The following TMEM156 variants were observed in gnomAD, a reference collection of about 807,000 sequenced individuals.
TMEM156 encodes the protein transmembrane protein 156.
A neutral mutation model predicts 30.5 loss-of-function variants in TMEM156; 28 were observed. That is an observed-to-expected ratio of 0.92 (90% CI 0.68 to 1.26). TMEM156 has a LOEUF of 1.26. Among genes scored for constraint, TMEM156 ranks in the 50% most tolerant of loss-of-function variants. The pLI is 0.00. For synonymous variants in TMEM156, 137 were observed against 119.9 expected (o/e 1.14, Z -0.93); for missense variants, 351 against 340.6 (o/e 1.03, Z -0.24).
At chr4:38,971,405 G>A (rs575316709) in intron 5 of TMEM156, among the ~76,000 whole-genome samples, 1 of 152,298 alleles carries the variant, frequency 6.6e-6, no homozygotes, top group Admixed American at 6.5e-5. Flanking sequence ...CCAGTGTCAA[G>A]TAGCAAGCAA....
intron 6 of TMEM156, among the ~76,000 whole-genome samples, chr4:38,969,427 C>A (rs568050047): frequency 6.6e-6 from 1 of 152,152 alleles, no homozygotes; most frequent in African/African-American, 2.4e-5. Flanking sequence ...TTTTTTATGG[C>A]AAATATTTCA....
intron 4 of TMEM156, among the ~76,000 whole-genome samples, chr4:38,987,598 G>A (rs971571148): frequency 6.6e-6 from 1 of 152,338 alleles, no homozygotes; most frequent in South Asian, 2.1e-4. Context: ...GCCTGGTAAA[G>A]AAGGAAAGAG....
At chr4:38,970,374 C>T (rs1346889791) in intron 6 of TMEM156, among the ~76,000 whole-genome samples, 1 of 152,084 alleles carries the variant, frequency 6.6e-6, no homozygotes. Flanking sequence ...CCTGATAGGA[C>T]CTTGACTGAA....
intron 5 of TMEM156, among the ~76,000 whole-genome samples, chr4:38,984,325 T>TTC (rs140850597): frequency 0.26 from 38,030 of 146,678 alleles, 5,905 homozygotes; most frequent in African/African-American, 0.47. Flanking sequence ...CTCTCTCTCT[T>TTC]TCTCTCTGTC....
intron 1 of TMEM156, among the ~76,000 whole-genome samples, chr4:39,012,713 G>A (rs994491107): frequency 4.6e-5 from 7 of 152,196 alleles, no homozygotes; most frequent in South Asian, 2.1e-4. Flanking sequence ...GCTGAGGCGG[G>A]CAGATCACTT....
At chr4:38,985,502 G>A (rs560974837) in intron 5 of TMEM156, among the ~76,000 whole-genome samples, 8 of 152,266 alleles carry the variant, frequency 5.3e-5, no homozygotes, top group East Asian at 1.9e-4. Context: ...TCTCTATGTC[G>A]CTACTGATGC....
chr4:38,991,711 A>T, intron 3 of TMEM156, among the ~76,000 whole-genome samples: 1 of 152,176 alleles, frequency 6.6e-6, no homozygotes, highest in East Asian at 1.9e-4. Flanking sequence ...TTATTATGGA[A>T]GTGCTTATTT....
intron 1 of TMEM156, among the ~76,000 whole-genome samples, chr4:39,008,739 T>C (rs1713909451): frequency 6.6e-6 from 1 of 152,126 alleles, no homozygotes; most frequent in African/African-American, 2.4e-5. Flanking sequence ...AACAATCTAC[T>C]ACAACATCTA....
intron 1 of TMEM156, among the ~76,000 whole-genome samples, chr4:39,008,842 C>T (rs780901431): frequency 1.7e-4 from 26 of 152,030 alleles, no homozygotes; most frequent in Middle Eastern, 3.4e-3. Context: ...AAGCATACAC[C>T]TAGAGGAACT....
intron 2 of TMEM156, among the ~76,000 whole-genome samples, chr4:38,995,406 T>C (rs1300343238): frequency 2.0e-5 from 3 of 152,188 alleles, no homozygotes; most frequent in Non-Finnish European, 4.4e-5. Context: ...TCTGGTAGCA[T>C]TCGTGATTTG....
intron 1 of TMEM156, among the ~76,000 whole-genome samples, chr4:39,021,053 G>A (rs1489266516): frequency 6.6e-6 from 1 of 152,152 alleles, no homozygotes; most frequent in African/African-American, 2.4e-5. Flanking sequence ...TTTCCCTGAT[G>A]ATTAGCGATG....
intron 1 of TMEM156, among the ~76,000 whole-genome samples, chr4:39,022,059 G>A (rs1251909315): frequency 6.6e-6 from 1 of 152,128 alleles, no homozygotes; most frequent in Non-Finnish European, 1.5e-5. Flanking sequence ...AATTATTTGA[G>A]GAATGGTGTA....
intron 1 of TMEM156, among the ~76,000 whole-genome samples, chr4:39,020,476 T>C (rs940040595): frequency 6.6e-6 from 1 of 152,190 alleles, no homozygotes; most frequent in Non-Finnish European, 1.5e-5. Context: ...CTTCCAGCGA[T>C]CCTCCCAACT....
At chr4:38,984,345 C>CTGTGTGTGTGTGTG (rs770530490) in intron 5 of TMEM156, among the ~76,000 whole-genome samples, 92 of 114,906 alleles carry the variant, frequency 8.0e-4, no homozygotes, top group Middle Eastern at 3.6e-3. Context: ...CTCTCTCTCT[C>CTGTGTGTGTGTGTG]TCTCTGTGTG....
In TMEM156 at chr4:38,966,973, TG is replaced by T. The variant is rs1333818676; in HGVS notation, c.*706del. The stretch of plus-strand genomic sequence containing the variant: ...CGCACCACCACACCCAGCTAATTTT[TG>T]TGTTTTTAGTAGAGACAGGGTTTCA... On this transcript the variant is annotated 3_prime_UTR_variant, in exon 7 of 7. Transcript: ENST00000381938. 1.3e-5 allele frequency: 2 copies of T among 152,190 alleles called. No homozygotes were observed. The highest frequency in any genetic ancestry group is 4.8e-5 in the African/African-American group (2 of 41,496). The allele number at this position is 152,190 out of a possible 1,614,324, so 9.4% of individuals were successfully genotyped here.
intron 1 of TMEM156, among the ~76,000 whole-genome samples, chr4:39,021,817 T>C (rs1217576078): frequency 6.6e-6 from 1 of 152,246 alleles, no homozygotes; most frequent in Non-Finnish European, 1.5e-5. Flanking sequence ...GTACATGGTG[T>C]GAAATGAGTC....
intron 1 of TMEM156, among the ~76,000 whole-genome samples, chr4:39,028,872 A>G (rs191487348): frequency 6.6e-6 from 1 of 152,362 alleles, no homozygotes; most frequent in East Asian, 1.9e-4. Flanking sequence ...GAAAGGTTAA[A>G]AAACACTGCT....
chr4:38,971,576 TGAC>T (rs1722596692), intron 5 of TMEM156, among the ~76,000 whole-genome samples: 1 of 152,224 alleles, frequency 6.6e-6, no homozygotes, highest in African/African-American at 2.4e-5. Context: ...TTCCTGCTCA[TGAC>T]TGTATGACTT....
chr4:38,988,320 C>T (rs62294538), intron 4 of TMEM156, among the ~76,000 whole-genome samples: 84,870 of 151,976 alleles, frequency 0.56, 23,947 homozygotes, highest in East Asian at 0.65. Flanking sequence ...ACATCCTGGG[C>T]TCAAGTGATT....
Sources: allele counts gnomAD v4.1 joint callset (sites outside exome capture counted in the v4.1 genomes callset), GRCh38; gene constraint gnomAD v4.1.1; transcripts MANE v1.5; gene names NCBI Gene and HGNC (gene_info 2026-07-23, HGNC 2026-07-21).